Variants in TM9SF3 observed in about 807,000 individuals in gnomAD.
The protein encoded by TM9SF3 is SM-11044-binding protein.
Under a neutral mutation model 78.6 loss-of-function variants are expected in TM9SF3, and 14 were observed. That is an observed-to-expected ratio of 0.18 (90% CI 0.12 to 0.28). The LOEUF is 0.28. Among genes scored for constraint, TM9SF3 ranks in the 10% least tolerant of loss-of-function variants. The pLI, the probability that TM9SF3 is intolerant of heterozygous loss-of-function variation, is 1.00. For missense variants in TM9SF3, 496 were observed against 721.9 expected (o/e 0.69, Z 3.59); for synonymous variants, 231 against 241.7 (o/e 0.96, Z 0.41).
chr10:96,542,661 A>T (rs1589450834), intron 9 of TM9SF3, among the ~76,000 whole-genome samples: 2 of 152,292 alleles, frequency 1.3e-5, no homozygotes, highest in South Asian at 4.1e-4. Flanking sequence ...GTTCTTTGAG[A>T]AGTAACCTGA....
At chr10:96,554,621 A>C (rs991421718) in intron 5 of TM9SF3, among the ~76,000 whole-genome samples, 6 of 152,150 alleles carry the variant, frequency 3.9e-5, no homozygotes, top group African/African-American at 1.4e-4. Context: ...TTAGGCTCTC[A>C]GAACTTTTAA....
chr10:96,523,483 C>A (rs1847804158), intron 14 of TM9SF3, among the ~76,000 whole-genome samples: 1 of 151,736 alleles, frequency 6.6e-6, no homozygotes, highest in African/African-American at 2.4e-5. Flanking sequence ...TTCCAGCTAA[C>A]AAATATAAAA....
At chr10:96,572,171 A>G (rs572174846) in intron 2 of TM9SF3, among the ~76,000 whole-genome samples, 1 of 152,336 alleles carries the variant, frequency 6.6e-6, no homozygotes, top group African/African-American at 2.4e-5. Context: ...GCTATGTGCT[A>G]TTAGTATTCC....
chr10:96,543,344 C>CTT (rs398014526), intron 9 of TM9SF3, among the ~76,000 whole-genome samples: 16 of 136,894 alleles, frequency 1.2e-4, no homozygotes, highest in Non-Finnish European at 7.7e-5. Flanking sequence ...TAGTGAGATT[C>CTT]TTTTTTTTGA....
At chr10:96,583,405 C>T (rs2134163985) in intron 1 of TM9SF3, among the ~76,000 whole-genome samples, 1 of 152,316 alleles carries the variant, frequency 6.6e-6, no homozygotes, top group Non-Finnish European at 1.5e-5. Context: ...TAATGCTAAC[C>T]CAAAGATCTC....
chr10:96,530,715 G>A (rs553031326), intron 10 of TM9SF3, 107 bp from the exon 11 acceptor site: 70 of 1,024,342 alleles, frequency 6.8e-5, no homozygotes, highest in Non-Finnish European at 9.2e-5. Context: ...ATCTCTAAAG[G>A]ATAGAAACAA....
chr10:96,582,599 C>T (rs1334817167), intron 1 of TM9SF3, among the ~76,000 whole-genome samples: 1 of 152,156 alleles, frequency 6.6e-6, no homozygotes, highest in African/African-American at 2.4e-5. Flanking sequence ...CTGTCTTCCA[C>T]AAAAGTGTTA....
chr10:96,529,230 C>CAACT (rs2134130289), intron 11 of TM9SF3, among the ~76,000 whole-genome samples: 1 of 152,200 alleles, frequency 6.6e-6, no homozygotes, highest in East Asian at 1.9e-4. Flanking sequence ...GGTACTAATG[C>CAACT]CCATAGCATA....
chr10:96,527,660 C>T (rs1847853830), intron 12 of TM9SF3, 164 bp from the exon 13 acceptor site: 2 of 583,320 alleles, frequency 3.4e-6, no homozygotes, highest in African/African-American at 1.9e-5. Flanking sequence ...ACAAGGAAAA[C>T]ATCTAAGAAT....
At chr10:96,577,086 G>C (rs917383993) in intron 1 of TM9SF3, among the ~76,000 whole-genome samples, 1 of 152,026 alleles carries the variant, frequency 6.6e-6, no homozygotes, top group Non-Finnish European at 1.5e-5. Context: ...GACAGTGTTT[G>C]AACTAAGCCC....
chr10:96,539,644 G>C (rs774858725), intron 9 of TM9SF3, among the ~76,000 whole-genome samples: 1 of 152,124 alleles, frequency 6.6e-6, no homozygotes, highest in Non-Finnish European at 1.5e-5. Flanking sequence ...GTCTATGGGT[G>C]TATGTATATC....
At chr10:96,528,516 T>C (rs547672607) in intron 11 of TM9SF3, among the ~76,000 whole-genome samples, 16 of 152,178 alleles carry the variant, frequency 1.1e-4, no homozygotes, top group African/African-American at 3.1e-4. Context: ...GTTTTGTAGA[T>C]ACAACACAAT....
rs1472244699 is a variant in TM9SF3 at position 96,518,292 on chromosome 10, T to C, written c.*3971A>G. The C allele has an allele frequency of 6.6e-6, 1 of 152,142 alleles. No individual in the cohort carries two copies. Among genetic ancestry groups the C allele is most frequent in the Non-Finnish European group, 1.5e-5 (1 of 68,010 alleles). 9.4% of individuals were successfully genotyped at this position (152,142 alleles called of 1,614,324 possible). ...ATGGAAGTGGTCATCAGGCAATAAT[T>C]GTTTCCTTGGAACTCTGCACCGACT... On this transcript the variant is annotated 3_prime_UTR_variant, in exon 15 of 15. Coordinates refer to ENST00000371142, the MANE Select transcript of TM9SF3 (RefSeq NM_020123.4).
rs35197761 is a variant in TM9SF3, at chr10:96,549,817, T to TAAAAA, written c.959+1423_959+1427dup. Among the ~76,000 whole-genome samples, 46 of 140,436 alleles carry TAAAAA rather than the reference T, an allele frequency of 3.3e-4. 1 individual carries two copies. The highest frequency in any genetic ancestry group is 5.8e-4 in the African/African-American group (22 of 37,676). The allele number at this position is 140,436 out of a possible 152,430, so 92.1% of individuals were successfully genotyped here. On this transcript the variant is annotated intron_variant, in intron 7 of 14. Transcript: ENST00000371142. ...TTTAAGTAGAAGAGCTTCTGCATTT[T>TAAAAA]AAAAAAAAAAAAAAAAAAAGAGCTG...
intron 9 of TM9SF3, among the ~76,000 whole-genome samples, chr10:96,542,742 G>A (rs11814010): frequency 0.21 from 32,258 of 151,320 alleles, 3,862 homozygotes; most frequent in Admixed American, 0.31. Context: ...GGTGTAATTA[G>A]TTACCTTTCC....
At chr10:96,522,537 C>T (rs545470456) in intron 14 of TM9SF3, among the ~76,000 whole-genome samples, 2 of 151,968 alleles carry the variant, frequency 1.3e-5, no homozygotes, top group East Asian at 1.9e-4. Flanking sequence ...GACCATCATA[C>T]GCCAAGTCTA....
intron 9 of TM9SF3, among the ~76,000 whole-genome samples, chr10:96,541,202 C>T (rs545157997): frequency 7.8e-5 from 2 of 25,646 alleles, no homozygotes; most frequent in Non-Finnish European, 1.6e-4. Flanking sequence ...CTGAGATTTA[C>T]AGCCCACGAA....
intron 9 of TM9SF3, among the ~76,000 whole-genome samples, chr10:96,536,750 T>A (rs1006227585): frequency 1.3e-5 from 2 of 152,198 alleles, no homozygotes; most frequent in African/African-American, 4.8e-5. Flanking sequence ...GATCCACGTC[T>A]ACTTAAAGAA....
intron 5 of TM9SF3, among the ~76,000 whole-genome samples, chr10:96,558,912 T>C (rs1025942646): frequency 2.0e-5 from 3 of 152,188 alleles, no homozygotes; most frequent in South Asian, 2.1e-4. Flanking sequence ...TTATGCCTTG[T>C]CTTTTTATCT....
Sources: allele counts gnomAD v4.1 joint callset (sites outside exome capture counted in the v4.1 genomes callset), GRCh38; gene constraint gnomAD v4.1.1; transcripts MANE v1.5; gene names NCBI Gene and HGNC (gene_info 2026-07-23, HGNC 2026-07-21).